IGSF11: variants seen among roughly 807,000 people sequenced by gnomAD.
The protein encoded by IGSF11 is CXADR like 1.
A neutral mutation model predicts 41.0 loss-of-function variants in IGSF11; 22 were observed. The ratio of observed to expected loss-of-function variants is 0.54; its 90% confidence interval spans 0.38 to 0.77. The LOEUF is 0.77. Among genes scored for constraint, IGSF11 ranks in the 30% least tolerant of loss-of-function variants. IGSF11 has a pLI of 0.00. For missense variants in IGSF11, 444 were observed against 530.8 expected, an observed-to-expected ratio of 0.84 and a Z score of 1.61; for synonymous variants, 219 against 201.3, an observed-to-expected ratio of 1.09 and a Z score of -0.74.
chr3:119,058,624 G>A (rs570613128), intron 1 of IGSF11, among the ~76,000 whole-genome samples: 3 of 152,296 alleles, frequency 2.0e-5, no homozygotes. Flanking sequence ...CCATTGCTGG[G>A]TATGTACCCA....
At chr3:119,118,621 C>T (rs192940827) in intron 1 of IGSF11, among the ~76,000 whole-genome samples, 102 of 152,348 alleles carry the variant, frequency 6.7e-4, no homozygotes, top group African/African-American at 2.4e-3. Context: ...GATTAACATT[C>T]AGCTCCTCAT....
In IGSF11 at chr3:119,099,628, G is replaced by A. The variant is rs527933969; in HGVS notation, c.49+5516C>T. On this transcript the variant is annotated intron_variant, in intron 1 of 6. Coordinates refer to the IGSF11 transcript ENST00000354673. ...TTACAGCTTGAATTTTGGAAAAGAT[G>A]ACTAGTCAGGTATAGCTGCAGTGGC... is the stretch of plus-strand genomic sequence containing the variant. 3.3e-5 allele frequency among the ~76,000 whole-genome samples: 5 copies of A among 152,284 alleles called. No homozygotes were observed. In the South Asian group the frequency reaches 1.0e-3, roughly 32 times the overall value.
intron 1 of IGSF11, among the ~76,000 whole-genome samples, chr3:118,997,822 A>T (rs946601434): frequency 1.3e-5 from 2 of 152,182 alleles, no homozygotes; most frequent in Non-Finnish European, 2.9e-5. Flanking sequence ...TAAAATTGTA[A>T]TTTATTGCAG....
chr3:119,064,423 G>A (rs1016885808), intron 1 of IGSF11, among the ~76,000 whole-genome samples: 3 of 151,416 alleles, frequency 2.0e-5, no homozygotes, highest in Admixed American at 6.6e-5. Flanking sequence ...CCAAAACCAC[G>A]CTGTCCTACA....
chr3:118,987,127 G>C (rs1379048333), intron 1 of IGSF11, among the ~76,000 whole-genome samples: 9 of 152,188 alleles, frequency 5.9e-5, no homozygotes, highest in Admixed American at 5.9e-4. Context: ...AATACAACTG[G>C]AAGTACTAAC....
chr3:119,019,462 T>C (rs2107710365), intron 1 of IGSF11, among the ~76,000 whole-genome samples: 1 of 150,812 alleles, frequency 6.6e-6, no homozygotes, highest in East Asian at 1.9e-4. Flanking sequence ...GATCCAAGAA[T>C]TTGCACAGCC....
At chr3:119,047,861 C>T (rs1382309190) in intron 1 of IGSF11, among the ~76,000 whole-genome samples, 4 of 152,118 alleles carry the variant, frequency 2.6e-5, no homozygotes, top group Non-Finnish European at 5.9e-5. Context: ...AACTGCTCAA[C>T]TACATGGAAA....
chr3:118,936,546 A>T (rs1448293692), intron 1 of IGSF11, among the ~76,000 whole-genome samples: 1 of 152,168 alleles, frequency 6.6e-6, no homozygotes, highest in Non-Finnish European at 1.5e-5. Flanking sequence ...TACAATTTGC[A>T]ATATTTACAT....
chr3:118,903,762 A>T (rs1169355841), intron 6 of IGSF11, among the ~76,000 whole-genome samples: 3 of 152,248 alleles, frequency 2.0e-5, no homozygotes, highest in Non-Finnish European at 4.4e-5. Flanking sequence ...AGAAACCTAT[A>T]GTCAATGAGG....
At chr3:119,008,074 A>G (rs999492762) in intron 1 of IGSF11, among the ~76,000 whole-genome samples, 31 of 122,364 alleles carry the variant, frequency 2.5e-4, no homozygotes, top group African/African-American at 1.4e-3. Context: ...CCTATGAGAG[A>G]TTATTTTTAC....
chr3:119,017,670 G>C (rs1435667), intron 1 of IGSF11, among the ~76,000 whole-genome samples: 1 of 151,630 alleles, frequency 6.6e-6, no homozygotes, highest in Non-Finnish European at 1.5e-5. Context: ...TTAATTATAT[G>C]ATGCACACTG....
intron 3 of IGSF11, among the ~76,000 whole-genome samples, chr3:118,926,697 A>C (rs1942347305): frequency 6.6e-6 from 1 of 152,214 alleles, no homozygotes; most frequent in Admixed American, 6.5e-5. Flanking sequence ...TTACTTTACA[A>C]ACAAAAACTG....
intron 4 of IGSF11, among the ~76,000 whole-genome samples, chr3:118,918,677 T>C (rs1369301524): frequency 1.8e-5 from 2 of 112,890 alleles, no homozygotes; most frequent in Non-Finnish European, 3.4e-5. Context: ...AAAATGGCCA[T>C]ACTGCCCAAG....
intron 4 of IGSF11, among the ~76,000 whole-genome samples, chr3:118,911,643 T>G (rs1420955408): frequency 7.2e-6 from 1 of 138,810 alleles, no homozygotes; most frequent in Non-Finnish European, 1.6e-5. Context: ...CTCTAAAAAA[T>G]GAGAGAAGAG....
chr3:119,039,049 TC>T (rs1179914487), upstream of IGSF11, among the ~76,000 whole-genome samples: 1 of 152,188 alleles, frequency 6.6e-6, no homozygotes, highest in African/African-American at 2.4e-5. Context: ...TCCATGGTGA[TC>T]CGATGAAGTC....
chr3:118,948,843 G>A lies in IGSF11; in HGVS notation c.53-18568C>T, dbSNP rs1367687843. Among the ~76,000 whole-genome samples, 5 of 151,718 alleles carry A rather than the reference G, an allele frequency of 3.3e-5. 1 individual carries two copies. The highest frequency in any genetic ancestry group is 2.0e-4 in the East Asian group (1 of 5,126). On this transcript the variant is annotated intron_variant, in intron 1 of 6. Transcript: ENST00000393775. ...AAAAAATAGCCGGGCATGGTGGTGG[G>A]CGCCTGTAGTCCCAGCTACTCGGGA...
chr3:119,022,197 T>A (rs1439777397), intron 1 of IGSF11, among the ~76,000 whole-genome samples: 1 of 152,218 alleles, frequency 6.6e-6, no homozygotes, highest in Non-Finnish European at 1.5e-5. Context: ...AAATTTTGTA[T>A]AATTCTACTT....
chr3:119,066,040 C>A (rs1469878298), intron 1 of IGSF11, among the ~76,000 whole-genome samples: 1 of 151,986 alleles, frequency 6.6e-6, no homozygotes, highest in East Asian at 1.9e-4. Context: ...TTTTAAAATG[C>A]ATCCATTTCA....
chr3:118,920,504 T>G (rs1035333914), intron 4 of IGSF11, among the ~76,000 whole-genome samples: 1 of 151,918 alleles, frequency 6.6e-6, no homozygotes, highest in Non-Finnish European at 1.5e-5. Flanking sequence ...ACCTAAAACA[T>G]AAAGCATGGA....
Sources: gnomAD v4.1 joint callset for allele counts (sites outside exome capture counted in the v4.1 genomes callset) on GRCh38, gnomAD v4.1.1 for gene constraint, MANE v1.5 for transcripts, NCBI Gene and HGNC (gene_info 2026-07-23, HGNC 2026-07-21) for gene names.